TRAPPC12: variants seen among roughly 807,000 people sequenced by gnomAD.
TRAPPC12 encodes the protein trafficking protein particle complex subunit 12.
In TRAPPC12, 61 loss-of-function variants were observed where a neutral mutation model predicts 69.2. The ratio of observed to expected loss-of-function variants is 0.88; its 90% CI spans 0.72 to 1.09. TRAPPC12 has a LOEUF of 1.09. Among genes scored for constraint, TRAPPC12 ranks in the 50% least tolerant of loss-of-function variants. The probability of loss-of-function intolerance (pLI) is 0.00; values close to 1 mark genes in which losing one functional copy is unlikely to be tolerated. For synonymous variants in TRAPPC12, 469 were observed against 438.9 expected (o/e 1.07, Z -0.86); for missense variants, 1,101 against 1,016.4 (o/e 1.08, Z -1.13).
intron 3 of TRAPPC12, among the ~76,000 whole-genome samples, chr2:3,403,910 G>A (rs1661588245): frequency 6.6e-6 from 1 of 152,224 alleles, no homozygotes; most frequent in South Asian, 2.1e-4. Flanking sequence ...CTGAAATCCT[G>A]AGCCAGGAGA....
At chr2:3,416,968 A>T (rs1483821705) in intron 3 of TRAPPC12, among the ~76,000 whole-genome samples, 3 of 149,458 alleles carry the variant, frequency 2.0e-5, no homozygotes, top group African/African-American at 7.4e-5. Flanking sequence ...TGCAGGGCAG[A>T]TGCTCTGTGG....
intron 8 of TRAPPC12, among the ~76,000 whole-genome samples, chr2:3,463,302 A>T (rs150211629): frequency 1.8e-4 from 28 of 152,000 alleles, no homozygotes; most frequent in African/African-American, 6.5e-4. Flanking sequence ...TCTTCCCCCA[A>T]CTGCAGCCCG....
chr2:3,393,521 A>G (rs1368378909), intron 2 of TRAPPC12, among the ~76,000 whole-genome samples: 1 of 152,196 alleles, frequency 6.6e-6, no homozygotes, highest in East Asian at 1.9e-4. Flanking sequence ...ACACACACAC[A>G]CAGTAACTAT....
In TRAPPC12 at chr2:3,443,846, G is replaced by A. The variant is rs1431852700; in HGVS notation, c.1485G>A (p.Gln495=). The A allele has an allele frequency of 2.5e-6, 4 of 1,614,022 alleles. No individual in the cohort carries two copies. The highest frequency in any genetic ancestry group is 3.4e-6 in the Non-Finnish European group (4 of 1,180,050). The part of the protein sequence containing the change: ...AELQQYLGNP[Q]ESLDRLHKVK... ...TTCAGCAGTACCTGGGGAACCCACA[G>A]GAGTCGCTGGATAGACTGCACAAGG... The change falls in exon 6 of 12, where the codon CAG becomes CAA. Residue 495 remains glutamine, a synonymous_variant. Transcript: ENST00000324266.
intron 5 of TRAPPC12, among the ~76,000 whole-genome samples, chr2:3,439,747 C>G (rs1038954532): frequency 2.2e-4 from 33 of 152,130 alleles, no homozygotes; most frequent in African/African-American, 7.7e-4. Context: ...GGTGTTGTAT[C>G]TAAAAGATTA....
At chr2:3,452,623 C>T (rs777348057) in intron 6 of TRAPPC12, among the ~76,000 whole-genome samples, 8 of 152,222 alleles carry the variant, frequency 5.3e-5, no homozygotes, top group Non-Finnish European at 1.0e-4. Flanking sequence ...CCATGGGCTC[C>T]GAGAGGACTT....
In TRAPPC12 at chr2:3,387,939, G is replaced by A; in HGVS notation, c.316G>A (p.Gly106Ser). 1 of 1,502,822 alleles carries A rather than the reference G, an allele frequency of 6.7e-7. No homozygotes were observed. The highest frequency in any genetic ancestry group is 8.9e-7 in the Non-Finnish European group (1 of 1,127,840). 93.1% of individuals were successfully genotyped at this position (1,502,822 alleles called of 1,614,324 possible). A position where few individuals can be genotyped will look rare whatever the true frequency, so the allele number is the denominator to read the frequency against. ...GEGDPGPEPA[G>S]TPSPSGEADG... is the part of the protein sequence containing the mutation. The stretch of plus-strand genomic sequence containing the variant: ...AGGCGACCCAGGCCCGGAGCCCGCG[G>A]GCACCCCGAGTCCCAGCGGCGAGGC... The change falls in exon 2 of 12, where the codon GGC (glycine) becomes AGC (serine). Residue 106 changes from glycine to serine, a missense_variant. Coordinates refer to ENST00000324266, the MANE Select transcript of TRAPPC12 (RefSeq NM_016030.6).
chr2:3,462,897 C>T (rs946225643), intron 8 of TRAPPC12: 2 of 471,042 alleles, frequency 4.2e-6, no homozygotes, highest in Non-Finnish European at 8.8e-6. Context: ...TGGCTCCGCA[C>T]ATGATGGAAA....
intron 4 of TRAPPC12, among the ~76,000 whole-genome samples, chr2:3,424,058 C>T (rs1356668461): frequency 1.3e-5 from 2 of 152,160 alleles, no homozygotes; most frequent in East Asian, 1.9e-4. Flanking sequence ...CTCCCGTTCC[C>T]GCCGTCATTC....
intron 9 of TRAPPC12, 142 bp from the exon 10 acceptor site, chr2:3,477,553 A>G: frequency 2.0e-6 from 1 of 495,620 alleles, no homozygotes; most frequent in Non-Finnish European, 3.6e-6. Context: ...TTATTAAAAA[A>G]TGATTAAATG....
intron 9 of TRAPPC12, among the ~76,000 whole-genome samples, chr2:3,471,831 G>A (rs1030758999): frequency 1.4e-5 from 2 of 144,598 alleles, no homozygotes; most frequent in Non-Finnish European, 2.9e-5. Context: ...CTTGGACTTG[G>A]GTCTGAGAGG....
At chr2:3,456,213 T>C (rs1272496216) in intron 6 of TRAPPC12, 1 of 152,188 alleles carries the variant, frequency 6.6e-6, no homozygotes, top group Non-Finnish European at 1.5e-5. Flanking sequence ...GGCAGCAAAT[T>C]GTTCTCCAGT....
chr2:3,454,213 G>A (rs1361925953), intron 6 of TRAPPC12, among the ~76,000 whole-genome samples: 3 of 152,346 alleles, frequency 2.0e-5, no homozygotes, highest in East Asian at 1.9e-4. Flanking sequence ...AGAGGGAGGG[G>A]TGTAGCCTGC....
In TRAPPC12 at chr2:3,450,781, A is replaced by G. The variant is rs531141828; in HGVS notation, c.1531-6840A>G. On this transcript the variant is annotated intron_variant, in intron 6 of 11. Coordinates refer to ENST00000324266, the MANE Select transcript of TRAPPC12 (RefSeq NM_016030.6). ...CTCCACTCAAAAGGGTCCACTTAGT[A>G]AGTTCTCAGGTCCTTGGCTTAGTGC... Among the ~76,000 whole-genome samples, 4 of 152,248 alleles carry G rather than the reference A, an allele frequency of 2.6e-5. No individual in the cohort carries two copies. In the South Asian group the frequency reaches 8.3e-4, roughly 32 times the overall value.
chr2:3,426,193 C>T (rs184733497), intron 5 of TRAPPC12, among the ~76,000 whole-genome samples: 244 of 152,272 alleles, frequency 1.6e-3, no homozygotes, highest in Middle Eastern at 6.8e-3. Context: ...AGGGAATTTG[C>T]CCCTTGTGGA....
At position 3,445,957 on chromosome 2, in the gene TRAPPC12, G is replaced by C. The variant is rs115262759; in HGVS notation, c.1530+2066G>C. On this transcript the variant is annotated intron_variant, in intron 6 of 11. Transcript: ENST00000324266. Reference sequence around the variant, plus strand: ...GTGCTCTGCTGGGCTGGGCCCTCCTGAGACTCTTGAGGGGGCTTCCAAGCA... The same window carrying C: ...GTGCTCTGCTGGGCTGGGCCCTCCTCAGACTCTTGAGGGGGCTTCCAAGCA... 2.7e-3 allele frequency among the ~76,000 whole-genome samples: 417 copies of C among 152,350 alleles called. 6 individuals carry two copies. The highest frequency in any genetic ancestry group is 9.7e-3 in the African/African-American group (404 of 41,588).
chr2:3,461,840 C>T (rs1665522089), intron 8 of TRAPPC12, among the ~76,000 whole-genome samples: 1 of 151,600 alleles, frequency 6.6e-6, no homozygotes, highest in Non-Finnish European at 1.5e-5. Flanking sequence ...GTGGCCTCTT[C>T]ACCACCCAAG....
intron 6 of TRAPPC12, chr2:3,455,490 C>T (rs1665095826): frequency 6.6e-6 from 1 of 152,086 alleles, no homozygotes; most frequent in African/African-American, 2.4e-5. Flanking sequence ...TTACCATCCC[C>T]ACTCCATCCC....
chr2:3,422,706 G>A (rs10190644), intron 4 of TRAPPC12, among the ~76,000 whole-genome samples: 45,019 of 152,012 alleles, frequency 0.3, 7,092 homozygotes, highest in Middle Eastern at 0.39. Context: ...CCCAAGAGCC[G>A]ACAAGAAGAG....
Sources: gnomAD v4.1 joint callset for allele counts (sites outside exome capture counted in the v4.1 genomes callset) on GRCh38, gnomAD v4.1.1 for gene constraint, MANE v1.5 for transcripts, NCBI Gene and HGNC (gene_info 2026-07-23, HGNC 2026-07-21) for gene names.